PNPLA1: variants seen among roughly 807,000 people sequenced by gnomAD.
PNPLA1 encodes the protein patatin like domain 1, omega-hydroxyceramide transacylase, also known as omega-hydroxyceramide transacylase.
In PNPLA1, 36 loss-of-function variants were observed where a neutral mutation model predicts 51.7. That is an observed-to-expected ratio of 0.70 (90% CI 0.53 to 0.92). PNPLA1 has a LOEUF of 0.92. PNPLA1 is among the 40% of genes least tolerant of loss of function. The pLI is 0.00. For synonymous variants in PNPLA1, 293 were observed against 280.1 expected (o/e 1.05, Z -0.46); for missense variants, 658 against 682.5 (o/e 0.96, Z 0.40).
At chr6:36,297,936 C>A (rs547305260) in intron 5 of PNPLA1, among the ~76,000 whole-genome samples, 4 of 151,972 alleles carry the variant, frequency 2.6e-5, no homozygotes, top group African/African-American at 9.7e-5. Context: ...ATTCGTCATC[C>A]CCAAAATTTC....
upstream of PNPLA1, among the ~76,000 whole-genome samples, chr6:36,269,448 C>T (rs1429612839): frequency 1.3e-5 from 2 of 152,190 alleles, no homozygotes; most frequent in South Asian, 2.1e-4. Context: ...CTGACCCCGA[C>T]GTCCCCACAG....
chr6:36,259,084 C>T (rs1168935790), intron 1 of PNPLA1, among the ~76,000 whole-genome samples: 4 of 152,214 alleles, frequency 2.6e-5, no homozygotes, highest in African/African-American at 9.7e-5. Context: ...TTGTGAACCA[C>T]AGCAATGGTT....
intron 5 of PNPLA1, among the ~76,000 whole-genome samples, chr6:36,297,006 T>G (rs190920944): frequency 3.3e-4 from 51 of 152,254 alleles, no homozygotes; most frequent in Non-Finnish European, 6.6e-4. Context: ...ATCACAATGC[T>G]CAAATAAATG....
At chr6:36,297,667 G>T (rs191684209) in intron 5 of PNPLA1, among the ~76,000 whole-genome samples, 14 of 152,338 alleles carry the variant, frequency 9.2e-5, no homozygotes, top group Non-Finnish European at 1.9e-4. Context: ...GAATGGCAGC[G>T]CAGGCTGGCG....
chr6:36,286,578 A>G (rs548079661), intron 1 of PNPLA1, among the ~76,000 whole-genome samples: 1 of 152,254 alleles, frequency 6.6e-6, no homozygotes, highest in African/African-American at 2.4e-5. Context: ...TAAAAAAAAA[A>G]AGTTTAAATT....
At chr6:36,245,399 G>C (rs1326493675) in intron 1 of PNPLA1, among the ~76,000 whole-genome samples, 2 of 152,152 alleles carry the variant, frequency 1.3e-5, no homozygotes, top group Non-Finnish European at 2.9e-5. Flanking sequence ...TTTTTGAAAA[G>C]CTATTATTTC....
In PNPLA1 at chr6:36,312,570, G is replaced by A. The variant is rs571559740; in HGVS notation, c.*684G>A. On this transcript the variant is annotated 3_prime_UTR_variant, in exon 9 of 9. Coordinates refer to ENST00000636260, the MANE Select transcript of PNPLA1 (RefSeq NM_001374623.1). Reference sequence around the variant, plus strand: ...GGGATTTCCTAGGAAGCTGTGAGCCGAGAGAGAGAACGGGAGCTGGAACGG... The same window carrying A: ...GGGATTTCCTAGGAAGCTGTGAGCCAAGAGAGAGAACGGGAGCTGGAACGG... 3.6e-4 allele frequency among the ~76,000 whole-genome samples: 55 copies of A among 152,222 alleles called. No individual in the cohort carries two copies. Among genetic ancestry groups the A allele is most frequent in the Non-Finnish European group, 5.4e-4 (37 of 68,008 alleles).
intron 1 of PNPLA1, among the ~76,000 whole-genome samples, chr6:36,248,641 C>T (rs1769356277): frequency 6.6e-6 from 1 of 152,026 alleles, no homozygotes. Flanking sequence ...ATCTCAGCCT[C>T]CTGAGTAGCT....
Position 36,302,056 on chromosome 6 carries a change from A to G in PNPLA1, c.971A>G (p.His324Arg), listed in dbSNP as rs1469525708. ...WVPKGDGRGSHGPPVSQPVQT... is the reference protein window; with the variant it reads ...WVPKGDGRGSRGPPVSQPVQT... ...CCCAAAGGGGATGGAAGGGGCAGCC[A>G]TGGTCCGCCTGTGTCCCAACCTGTG... The change falls in exon 6 of 9, where the codon CAT becomes CGT. Residue 324 changes from histidine (H) to arginine (R), a missense_variant. By Grantham distance (29) the His-to-Arg change is conservative. Transcript: ENST00000636260. 2.5e-5 allele frequency: 40 copies of G among 1,614,224 alleles called. No homozygotes were observed. Among genetic ancestry groups the G allele is most frequent in the Non-Finnish European group, 3.1e-5 (37 of 1,180,044 alleles).
rs112814412 is a variant in PNPLA1, at chr6:36,302,775, C to G, written c.1384+306C>G. On this transcript the variant is annotated intron_variant, in intron 6 of 8. Transcript: ENST00000636260. ...TACTGCAGACCTACTAAATTACCAA[C>G]TTTGGAGGTGCGGCCCAGCTGCCTT... Among the ~76,000 whole-genome samples, 290 of 152,178 alleles carry G rather than the reference C, an allele frequency of 1.9e-3. 1 individual carries two copies. Among genetic ancestry groups the G allele is most frequent in the African/African-American group, 6.7e-3 (279 of 41,548 alleles).
intron 1 of PNPLA1, among the ~76,000 whole-genome samples, chr6:36,276,194 A>C (rs1770092382): frequency 6.6e-6 from 1 of 152,010 alleles, no homozygotes; most frequent in African/African-American, 2.4e-5. Flanking sequence ...CCTCACCTTA[A>C]GCAATCCACC....
At position 36,270,394 on chromosome 6, in the gene PNPLA1, C is replaced by T. The variant is rs997794622; in HGVS notation, c.-66C>T. 28 of 1,513,568 alleles carry T rather than the reference C, an allele frequency of 1.8e-5. No individual in the cohort carries two copies. The African/African-American group carries it at 3.7e-4, about 20-fold the overall frequency. 93.8% of individuals were successfully genotyped at this position (1,513,568 alleles called of 1,614,324 possible). Reference sequence around the variant, plus strand: ...GGGAGTTCCTACAGGGAGCGGCAGCCCAGGCTCGGGCAGGCAAGTGCTGAA... The same window carrying T: ...GGGAGTTCCTACAGGGAGCGGCAGCTCAGGCTCGGGCAGGCAAGTGCTGAA... On this transcript the variant is annotated 5_prime_UTR_variant, in exon 1 of 9. Coordinates refer to ENST00000636260, the MANE Select transcript of PNPLA1 (RefSeq NM_001374623.1).
chr6:36,261,182 G>T (rs1458923583), intron 1 of PNPLA1, among the ~76,000 whole-genome samples: 1 of 152,204 alleles, frequency 6.6e-6, no homozygotes, highest in East Asian at 1.9e-4. Context: ...GAGGTGACTA[G>T]ACCACAATTT....
At chr6:36,288,109 C>T (rs931432682) in intron 1 of PNPLA1, among the ~76,000 whole-genome samples, 9 of 152,184 alleles carry the variant, frequency 5.9e-5, no homozygotes, top group Admixed American at 2.6e-4. Context: ...CATTATAAGA[C>T]TTTAAATATG....
At chr6:36,256,324 T>TA (rs1769532681) in intron 1 of PNPLA1, among the ~76,000 whole-genome samples, 2 of 149,458 alleles carry the variant, frequency 1.3e-5, no homozygotes, top group Non-Finnish European at 3.0e-5. Flanking sequence ...GAACCTGTCT[T>TA]AGAAAAAAAA....
At position 36,302,217 on chromosome 6, in the gene PNPLA1, C is replaced by CA; in HGVS notation, c.1133dup (p.His378GlnfsTer118). 6.2e-7 allele frequency: 1 copy of CA among 1,614,150 alleles called. No individual in the cohort carries two copies. The highest frequency in any genetic ancestry group is 2.2e-5 in the East Asian group (1 of 44,876). The stretch of plus-strand genomic sequence containing the variant: ...GCCACCTGTATCATTCCCAGCTGTG[C>CA]ACAAGCCACCCAGCTCCACACCTGG... On this transcript the variant is annotated frameshift_variant, in exon 6 of 9. Transcript: ENST00000636260. LOFTEE classifies it high-confidence loss of function.
chr6:36,288,392 T>C (rs940183290), intron 1 of PNPLA1, among the ~76,000 whole-genome samples: 2 of 151,786 alleles, frequency 1.3e-5, no homozygotes, highest in African/African-American at 4.8e-5. Context: ...AGTGGGAGGA[T>C]TGCTTGAGAC....
intron 1 of PNPLA1, among the ~76,000 whole-genome samples, chr6:36,264,804 A>G (rs185837638): frequency 2.0e-5 from 3 of 152,332 alleles, no homozygotes; most frequent in Non-Finnish European, 4.4e-5. Context: ...GACTGCATGA[A>G]TAATCTCAAG....
intron 8 of PNPLA1, among the ~76,000 whole-genome samples, chr6:36,310,004 G>A (rs1771351734): frequency 6.7e-6 from 1 of 149,634 alleles, no homozygotes; most frequent in Non-Finnish European, 1.5e-5. Flanking sequence ...AAGTGTAGAT[G>A]TCCCATACAC....
Sources: allele counts gnomAD v4.1 joint callset (sites outside exome capture counted in the v4.1 genomes callset), GRCh38; gene constraint gnomAD v4.1.1; transcripts MANE v1.5; gene names NCBI Gene and HGNC (gene_info 2026-07-23, HGNC 2026-07-21).